BTBD9: variants seen among roughly 807,000 people sequenced by gnomAD.
BTBD9 encodes the protein BTB/POZ domain-containing protein 9.
In BTBD9, 49 loss-of-function variants were observed where a neutral mutation model predicts 64.3. The observed-to-expected ratio is 0.76, with a 90% CI of 0.61 to 0.97. BTBD9 has a LOEUF of 0.97. BTBD9 is among the 50% of genes least tolerant of loss of function. The pLI is 0.00. For synonymous variants in BTBD9, 260 were observed against 274.7 expected, an observed-to-expected ratio of 0.95 and a Z score of 0.53; for missense variants, 598 against 762.1, an observed-to-expected ratio of 0.78 and a Z score of 2.53.
intron 6 of BTBD9, among the ~76,000 whole-genome samples, chr6:38,407,359 A>G (rs940209809): frequency 6.6e-6 from 1 of 152,156 alleles, no homozygotes; most frequent in Non-Finnish European, 1.5e-5. Flanking sequence ...CAGAGCAATA[A>G]AAGAGGAAGT....
intron 10 of BTBD9, 152 bp downstream of exon 10, chr6:38,192,367 C>G (rs1762108313): frequency 1.5e-6 from 1 of 659,662 alleles, no homozygotes; most frequent in Non-Finnish European, 2.7e-6. Flanking sequence ...AATGATAACC[C>G]CACTGTGCAA....
intron 8 of BTBD9, among the ~76,000 whole-genome samples, chr6:38,269,307 A>C (rs1765121057): frequency 6.6e-6 from 1 of 152,230 alleles, no homozygotes; most frequent in Admixed American, 6.5e-5. Flanking sequence ...CTGTGTGATA[A>C]ATCTTTTGAA....
intron 10 of BTBD9, among the ~76,000 whole-genome samples, chr6:38,189,999 A>T (rs1761987588): frequency 7.0e-6 from 1 of 143,018 alleles, no homozygotes. Context: ...TTAAGTAGAG[A>T]CAAGGTCTCA....
chr6:38,418,364 T>G (rs977909340), intron 6 of BTBD9, among the ~76,000 whole-genome samples: 2 of 152,150 alleles, frequency 1.3e-5, no homozygotes. Context: ...CCTACTGAAG[T>G]GTATGCTGGC....
At position 38,439,048 on chromosome 6, in the gene BTBD9, C is replaced by T. The variant is rs560896736; in HGVS notation, c.1155-93955G>A. 2.7e-5 allele frequency among the ~76,000 whole-genome samples: 4 copies of T among 150,080 alleles called. No homozygotes were observed. In the South Asian group the frequency reaches 8.4e-4, roughly 32 times the overall value. The stretch of plus-strand genomic sequence containing the variant: ...AAACAAGGAAGAGAGTATAGTAAGA[C>T]AGTCCAAGAGAAGACAGGACACCTG... On this transcript the variant is annotated intron_variant, in intron 6 of 10. Coordinates refer to ENST00000481247, the MANE Select transcript of BTBD9 (RefSeq NM_001099272.2).
intron 10 of BTBD9, among the ~76,000 whole-genome samples, chr6:38,186,452 A>G (rs148105863): frequency 2.2e-4 from 34 of 152,338 alleles, no homozygotes; most frequent in Non-Finnish European, 4.7e-4. Context: ...AAAATCCTCC[A>G]TATGACTATA....
intron 8 of BTBD9, among the ~76,000 whole-genome samples, chr6:38,265,012 G>A (rs1291688644): frequency 6.6e-6 from 1 of 152,166 alleles, no homozygotes; most frequent in African/African-American, 2.4e-5. Flanking sequence ...GGACATCAGA[G>A]AGTCTACCTA....
Position 38,598,095 on chromosome 6 carries a change from C to G in BTBD9, c.-1G>C. 6.2e-7 allele frequency: 1 copy of G among 1,612,260 alleles called. No homozygotes were observed. Among genetic ancestry groups the G allele is most frequent in the Non-Finnish European group, 8.5e-7 (1 of 1,179,016 alleles). On this transcript the variant is annotated 5_prime_UTR_variant, in exon 2 of 11. Coordinates refer to ENST00000481247, the MANE Select transcript of BTBD9 (RefSeq NM_001099272.2). ...GGCGAAGAGGGTGGCTGTTACTCAT[C>G]TTGTGGAATAGACGATAGTCGTTGT...
At chr6:38,456,713 A>G (rs1769827602) in intron 6 of BTBD9, among the ~76,000 whole-genome samples, 1 of 152,108 alleles carries the variant, frequency 6.6e-6, no homozygotes, top group African/African-American at 2.4e-5. Flanking sequence ...TTGTCTGTTT[A>G]GTTACTTTTA....
At chr6:38,472,530 TA>T (rs1281422066) in intron 6 of BTBD9, among the ~76,000 whole-genome samples, 2 of 151,852 alleles carry the variant, frequency 1.3e-5, no homozygotes, top group Non-Finnish European at 2.9e-5. Context: ...TTATATAACT[TA>T]AAAAAAATTA....
In BTBD9 at chr6:38,548,634, G is replaced by C. The variant is rs1321494262; in HGVS notation, c.1154+28966C>G. ...ACTCACGCATTAATCTTTCCCTAGAGATATGTAAATAGGTAAAGAAGTGAG... is the reference window on the plus strand; with the variant it reads ...ACTCACGCATTAATCTTTCCCTAGACATATGTAAATAGGTAAAGAAGTGAG... On this transcript the variant is annotated intron_variant, in intron 6 of 10. Transcript: ENST00000481247. 2.0e-5 allele frequency among the ~76,000 whole-genome samples: 3 copies of C among 152,046 alleles called. No individual in the cohort carries two copies. The South Asian group carries it at 6.2e-4, about 32-fold the overall frequency.
In BTBD9 at chr6:38,366,726, T is replaced by C. The variant is rs115503452; in HGVS notation, c.1155-21633A>G. On this transcript the variant is annotated intron_variant, in intron 6 of 10. Transcript: ENST00000481247. ...AAGTGGAAAAGAATGATGAATGTAA[T>C]GGTGATCGATCTTATAGGGACTTTT... Among the ~76,000 whole-genome samples, 498 of 152,302 alleles carry C rather than the reference T, an allele frequency of 3.3e-3. 3 individuals are homozygous for C. Among genetic ancestry groups the C allele is most frequent in the African/African-American group, 0.011 (462 of 41,566 alleles).
chr6:38,469,782 G>A (rs1770560839), intron 6 of BTBD9, among the ~76,000 whole-genome samples: 1 of 152,082 alleles, frequency 6.6e-6, no homozygotes, highest in African/African-American at 2.4e-5. Flanking sequence ...TTGAACTATA[G>A]CACCTCTATT....
chr6:38,235,841 T>C (rs575560134), intron 9 of BTBD9, among the ~76,000 whole-genome samples: 2 of 152,348 alleles, frequency 1.3e-5, no homozygotes, highest in Admixed American at 6.5e-5. Context: ...CTGTGAAGCA[T>C]ATGAATCCCT....
At chr6:38,183,184 G>A (rs907522945) in intron 10 of BTBD9, among the ~76,000 whole-genome samples, 3 of 152,132 alleles carry the variant, frequency 2.0e-5, no homozygotes, top group African/African-American at 4.8e-5. Context: ...GTTTCACCGT[G>A]TTAGCCAGGA....
intron 6 of BTBD9, among the ~76,000 whole-genome samples, chr6:38,477,237 G>C (rs969308122): frequency 6.6e-6 from 1 of 152,226 alleles, no homozygotes; most frequent in Admixed American, 6.5e-5. Flanking sequence ...GGAGAGTAAA[G>C]TAATCCAGAT....
At chr6:38,272,678 C>T (rs959851850) in intron 8 of BTBD9, among the ~76,000 whole-genome samples, 1 of 152,104 alleles carries the variant, frequency 6.6e-6, no homozygotes, top group African/African-American at 2.4e-5. Context: ...ACTAGTAGGG[C>T]TATTATCAAC....
chr6:38,505,596 C>T (rs1224919596), intron 6 of BTBD9, among the ~76,000 whole-genome samples: 3 of 151,754 alleles, frequency 2.0e-5, no homozygotes, highest in African/African-American at 7.2e-5. Flanking sequence ...TGCACTCCAG[C>T]CTGAGCGACA....
At chr6:38,509,996 T>C (rs776884539) in intron 6 of BTBD9, among the ~76,000 whole-genome samples, 1 of 152,214 alleles carries the variant, frequency 6.6e-6, no homozygotes, top group Non-Finnish European at 1.5e-5. Flanking sequence ...AAGATTACTA[T>C]GCAAATCCTA....
Sources: gnomAD v4.1 joint callset for allele counts (sites outside exome capture counted in the v4.1 genomes callset) on GRCh38, gnomAD v4.1.1 for gene constraint, MANE v1.5 for transcripts, NCBI Gene and HGNC (gene_info 2026-07-23, HGNC 2026-07-21) for gene names.